Variants in GGT1 observed in about 807,000 individuals in gnomAD.
The protein encoded by GGT1 is glutathione hydrolase 1 proenzyme.
GGT1 carries 21 observed loss-of-function variants against 56.0 expected under a neutral mutation model. The ratio of observed to expected loss-of-function variants is 0.38; its 90% CI spans 0.27 to 0.54. The LOEUF (loss-of-function observed/expected upper bound fraction) is 0.54. GGT1 is among the 20% of genes least tolerant of loss of function. The pLI is 0.82. For synonymous variants in GGT1, 238 were observed against 342.6 expected, an observed-to-expected ratio of 0.69 and a Z score of 3.37; for missense variants, 466 against 787.0, an observed-to-expected ratio of 0.59 and a Z score of 4.88.
At chr22:24,589,065 G>A in the GGT1 span, 1 of 1,035,002 alleles carries the variant, frequency 9.7e-7, no homozygotes, top group Non-Finnish European at 1.2e-6. Context: ...TGGGCTAGGC[G>A]CAGAGTCCTA....
intron 1 of GGT1, among the ~76,000 whole-genome samples, chr22:24,605,309 ATATAATATGTATTATATAT>A: frequency 1.7e-5 from 1 of 58,102 alleles, no homozygotes; most frequent in Non-Finnish European, 2.7e-5. Flanking sequence ...ATTATATATT[ATATAATATGTATTATATAT>A]TATATAATAT....
chr22:24,615,482 T>A (rs536030053), intron 7 of GGT1, among the ~76,000 whole-genome samples: 181 of 152,246 alleles, frequency 1.2e-3, no homozygotes, highest in African/African-American at 3.9e-3. Flanking sequence ...TCCTTTGGGC[T>A]AGGGGATGCT....
At chr22:24,608,134 TGGG>T (rs1203962088) in intron 2 of GGT1, 111 bp downstream of exon 2, 1 of 367,676 alleles carries the variant, frequency 2.7e-6, no homozygotes, top group African/African-American at 2.2e-5. Context: ...TCACGCTGTT[TGGG>T]TGAGAACCAG....
chr22:24,617,897 G>C (rs796880205), intron 7 of GGT1, among the ~76,000 whole-genome samples: 1 of 151,984 alleles, frequency 6.6e-6, no homozygotes, highest in South Asian at 2.1e-4. Flanking sequence ...GATGGCAGGC[G>C]GGGGAGACTC....
In GGT1 at chr22:24,620,838, G is replaced by A. The variant is rs559477487; in HGVS notation, c.576-75G>A. 995 of 1,579,656 alleles carry A rather than the reference G, an allele frequency of 6.3e-4. No homozygotes were observed. Among genetic ancestry groups the A allele is most frequent in the Non-Finnish European group, 8.2e-4 (951 of 1,162,334 alleles). ...TGCCCCTGTTCTGCTCCGTTCTCCT[G>A]TGTGGACGGGTGTGAGGGGTGGTCT... On this transcript the variant is annotated intron_variant, in intron 8 of 15. Coordinates refer to ENST00000400382, the MANE Select transcript of GGT1 (RefSeq NM_001288833.2). The surrounding 1 kb of genome is among the most constrained non-coding windows in gnomAD (Gnocchi z 5.6).
intron 1 of GGT1, among the ~76,000 whole-genome samples, chr22:24,597,161 T>C (rs1245847878): frequency 6.6e-6 from 1 of 151,896 alleles, no homozygotes; most frequent in Non-Finnish European, 1.5e-5. Context: ...TTTTGTATTT[T>C]TAGTAGAGAC....
chr22:24,614,871 G>T lies in GGT1; in HGVS notation c.260G>T (p.Gly87Val), dbSNP rs2330842. Residue 87 changes from glycine (G) to valine (V), a missense_variant, in exon 6 of 16, where the codon GGT (glycine) becomes GTT (valine). This residue lies in a region of GGT1 where 456 missense variants were observed against 716.7 expected (regional missense o/e 0.64). Transcript: ENST00000400382. ...LMNAHSMGIG[G>V]GLFLTIYNST... ...AATGCCCACAGCATGGGCATCGGGGGTGGCCTCTTCCTCACCATCTACAAC... is the reference window on the plus strand; with the variant it reads ...AATGCCCACAGCATGGGCATCGGGGTTGGCCTCTTCCTCACCATCTACAAC... 1.9e-6 allele frequency: 3 copies of T among 1,613,376 alleles called. No individual in the cohort carries two copies. Among genetic ancestry groups the T allele is most frequent in the Admixed American group, 1.7e-5 (1 of 60,002 alleles).
chr22:24,615,086 C>T lies in GGT1; in HGVS notation c.341C>T (p.Ala114Val), dbSNP rs2046975426. The T allele has an allele frequency of 6.2e-6, 10 of 1,612,088 alleles. No homozygotes were observed. The highest frequency in any genetic ancestry group is 8.5e-6 in the Non-Finnish European group (10 of 1,179,734). ...INAREVAPRLAFATMFNSSEQ... is the reference protein window; with the variant it reads ...INAREVAPRLVFATMFNSSEQ... ...GCCCGCGAGGTGGCCCCCAGGCTGG[C>T]CTTTGCCACCATGTTCAACAGCTCG... The change falls in exon 7 of 16, where the codon GCC becomes GTC. Residue 114 changes from alanine to valine, a missense_variant. This residue lies in a region of GGT1 where 456 missense variants were observed against 716.7 expected (regional missense o/e 0.64). Transcript: ENST00000400382.
At chr22:24,583,916 C>A in the GGT1 span, 1 of 391,862 alleles carries the variant, frequency 2.6e-6, no homozygotes. Context: ...ATTTCTCCAA[C>A]AGGAGTTTCA....
intron 11 of GGT1, among the ~76,000 whole-genome samples, chr22:24,625,412 C>G (rs981716750): frequency 6.6e-6 from 1 of 152,128 alleles, no homozygotes; most frequent in Non-Finnish European, 1.5e-5. Flanking sequence ...CAGCTGGGAC[C>G]AGAGGCACGT....
the GGT1 span, among the ~76,000 whole-genome samples, chr22:24,587,481 T>C: frequency 6.6e-6 from 1 of 151,922 alleles, no homozygotes; most frequent in Non-Finnish European, 1.5e-5. Flanking sequence ...CCTTGTGGGG[T>C]CCAAGCTCAG....
chr22:24,627,132 G>C, intron 11 of GGT1: 1 of 710,538 alleles, frequency 1.4e-6, no homozygotes, highest in South Asian at 1.9e-5. Context: ...CCAGTGCCAG[G>C]CATGCAGTGC....
chr22:24,613,623 G>A (rs573639361), intron 5 of GGT1, among the ~76,000 whole-genome samples: 73 of 151,832 alleles, frequency 4.8e-4, no homozygotes, highest in African/African-American at 1.6e-3. Context: ...GGTGGTGTGC[G>A]CCTGTAATCC....
chr22:24,626,760 C>A (rs1404248152), intron 11 of GGT1, among the ~76,000 whole-genome samples: 6 of 151,322 alleles, frequency 4.0e-5, no homozygotes, highest in African/African-American at 1.5e-4. Flanking sequence ...CCTGCTCATT[C>A]CTCTGCCCTA....
At position 24,627,846 on chromosome 22, in the gene GGT1, C is replaced by A. The variant is rs371417729; in HGVS notation, c.1209-6C>A. On this transcript the variant is annotated splice_polypyrimidine_tract_variant and splice_region_variant and intron_variant, in intron 12 of 15. Coordinates refer to ENST00000400382, the MANE Select transcript of GGT1 (RefSeq NM_001288833.2). ...TCGGGCACTGTCTGACCTGGCTGGG[C>A]GGTAGCTTTGGCTCCAAGGTCCGCT... 1.2e-6 allele frequency: 2 copies of A among 1,611,234 alleles called. No individual in the cohort carries two copies. Among genetic ancestry groups the A allele is most frequent in the South Asian group, 2.2e-5 (2 of 90,608 alleles).
rs757295144 is a variant in GGT1, at chr22:24,611,213, C to A, written c.132C>A (p.Ala44=). 1 of 1,573,296 alleles carries A rather than the reference C, an allele frequency of 6.4e-7. No individual in the cohort carries two copies. Among genetic ancestry groups the A allele is most frequent in the Admixed American group, 1.8e-5 (1 of 54,198 alleles). The change falls in exon 5 of 16, where the codon GCC becomes GCA. Residue 44 remains alanine, a synonymous_variant. Transcript: ENST00000400382. Reference sequence around the variant, plus strand: ...ATGTGTACACCAGGGCTGCCGTGGCCGCGGATGCCAAGCAGTGCTCGAAGA... The same window carrying A: ...ATGTGTACACCAGGGCTGCCGTGGCAGCGGATGCCAAGCAGTGCTCGAAGA... ...DNHVYTRAAV[A]ADAKQCSKIG...
intron 7 of GGT1, among the ~76,000 whole-genome samples, chr22:24,615,445 C>G (rs1399932869): frequency 6.6e-6 from 1 of 152,170 alleles, no homozygotes; most frequent in Non-Finnish European, 1.5e-5. Flanking sequence ...TGCTTTTCAC[C>G]CATGAGCCTC....
At chr22:24,627,023 A>ATT (rs2047829660) in intron 11 of GGT1, 1 of 152,362 alleles carries the variant, frequency 6.6e-6, no homozygotes, top group Admixed American at 6.6e-5. Flanking sequence ...ATGCCTCTTG[A>ATT]TTCCCCTTAC....
intron 5 of GGT1, among the ~76,000 whole-genome samples, chr22:24,613,342 A>T (rs906558059): frequency 2.6e-5 from 4 of 152,100 alleles, no homozygotes; most frequent in Admixed American, 6.5e-5. Context: ...CAAAGTGCTG[A>T]GATTACAGGT....
Sources: allele counts gnomAD v4.1 joint callset (sites outside exome capture counted in the v4.1 genomes callset), GRCh38; gene constraint gnomAD v4.1.1; regional missense constraint gnomAD v4.1.1; non-coding constraint Gnocchi (gnomAD v3.1); transcripts MANE v1.5; gene names NCBI Gene and HGNC (gene_info 2026-07-23, HGNC 2026-07-21).